Variants in PTPRD observed in about 807,000 individuals in gnomAD.
The protein encoded by PTPRD is receptor-type tyrosine-protein phosphatase delta.
Under a neutral mutation model 214.5 loss-of-function variants are expected in PTPRD, and 34 were observed. The observed-to-expected ratio is 0.16, with a 90% confidence interval of 0.12 to 0.21. The LOEUF (loss-of-function observed/expected upper bound fraction) is 0.21, where lower values mean the gene tolerates loss of function less well. PTPRD is among the 10% of genes least tolerant of loss of function. The pLI, the probability that PTPRD is intolerant of heterozygous loss-of-function variation, is 1.00. For missense variants in PTPRD, 2,545 were observed against 2,398.7 expected, an observed-to-expected ratio of 1.06 and a Z score of -1.27; for synonymous variants, 1,128 against 845.7, an observed-to-expected ratio of 1.33 and a Z score of -5.79.
Position 8,315,947 on chromosome 9 carries a change from TA to T in PTPRD, c.*1926del, listed in dbSNP as rs1821453878. The T allele has an allele frequency of 4.4e-6, 1 of 226,026 alleles. No homozygotes were observed. The highest frequency in any genetic ancestry group is 8.8e-6 in the Non-Finnish European group (1 of 113,588). The allele number at this position is 226,026 out of a possible 1,614,324, so 14.0% of individuals were successfully genotyped here. On this transcript the variant is annotated 3_prime_UTR_variant, in exon 46 of 46. Coordinates refer to ENST00000381196, the MANE Select transcript of PTPRD (RefSeq NM_002839.4). ...GAATTGGGGGTAAGATACATATATA[TA>T]TATAGTTTATTTCCCCTTTTAGAAA...
chr9:8,790,647 ATATCTAAGCATACCT>A (rs1420929413), intron 11 of PTPRD, among the ~76,000 whole-genome samples: 1 of 152,208 alleles, frequency 6.6e-6, no homozygotes, highest in Non-Finnish European at 1.5e-5. Context: ...GCATGTATGA[ATATCTAAGCATACCT>A]TAGTCACAAG....
intron 14 of PTPRD, among the ~76,000 whole-genome samples, chr9:8,598,692 A>G (rs1278809562): frequency 6.6e-6 from 1 of 152,180 alleles, no homozygotes; most frequent in Non-Finnish European, 1.5e-5. Flanking sequence ...TCATAGCACT[A>G]AAAAGTATCC....
intron 10 of PTPRD, among the ~76,000 whole-genome samples, chr9:9,045,997 G>C (rs565941649): frequency 6.6e-6 from 1 of 152,102 alleles, no homozygotes; most frequent in Non-Finnish European, 1.5e-5. Flanking sequence ...ATCCAGTTTT[G>C]TTTGTTATGT....
chr9:9,308,271 T>C (rs1409814834), intron 9 of PTPRD, among the ~76,000 whole-genome samples: 1 of 152,212 alleles, frequency 6.6e-6, no homozygotes, highest in East Asian at 1.9e-4. Context: ...AGATCATTCA[T>C]GATTTCATGA....
chr9:9,451,107 A>G (rs1486434728), intron 8 of PTPRD, among the ~76,000 whole-genome samples: 1 of 151,702 alleles, frequency 6.6e-6, no homozygotes, highest in African/African-American at 2.4e-5. Flanking sequence ...GTAAATGCCA[A>G]AGTCAGCATT....
At chr9:10,428,311 GA>G (rs955764298) in intron 2 of PTPRD, among the ~76,000 whole-genome samples, 23 of 151,702 alleles carry the variant, frequency 1.5e-4, no homozygotes, top group African/African-American at 4.6e-4. Flanking sequence ...TGTCTTGGGG[GA>G]AAAAAAATCA....
intron 12 of PTPRD, among the ~76,000 whole-genome samples, chr9:8,639,777 G>T (rs1277163874): frequency 2.0e-5 from 3 of 152,146 alleles, no homozygotes; most frequent in Admixed American, 6.5e-5. Flanking sequence ...TAACTGGTGG[G>T]TGAGGACAAG....
At chr9:8,549,558 T>C (rs1231270268) in intron 14 of PTPRD, among the ~76,000 whole-genome samples, 1 of 152,160 alleles carries the variant, frequency 6.6e-6, no homozygotes, top group East Asian at 1.9e-4. Context: ...CTAAAAGGGA[T>C]AAGAACAATT....
Position 9,217,316 on chromosome 9 carries a change from G to A in PTPRD, c.-202-33953C>T, listed in dbSNP as rs1314530645. 2.6e-5 allele frequency among the ~76,000 whole-genome samples: 4 copies of A among 152,246 alleles called. No individual in the cohort carries two copies. The East Asian group carries it at 7.7e-4, about 29-fold the overall frequency. On this transcript the variant is annotated intron_variant, in intron 9 of 45. Coordinates refer to ENST00000381196, the MANE Select transcript of PTPRD (RefSeq NM_002839.4). ...TATTTGTAGGGTACTTAAGAAGCCT[G>A]CGTGGCACCTCATAAGTGTTTTATA... is the stretch of plus-strand genomic sequence containing the variant.
At chr9:8,322,631 C>T (rs993042960) in intron 44 of PTPRD, among the ~76,000 whole-genome samples, 8 of 152,108 alleles carry the variant, frequency 5.3e-5, no homozygotes, top group African/African-American at 1.9e-4. Context: ...AGGAAGCCAA[C>T]CCCATAACAT....
At chr9:9,883,086 A>G (rs1342548915) in intron 5 of PTPRD, among the ~76,000 whole-genome samples, 2 of 152,148 alleles carry the variant, frequency 1.3e-5, no homozygotes, top group African/African-American at 2.4e-5. Context: ...GAGCCATATA[A>G]GCCTCTTTTA....
chr9:9,646,324 T>G (rs930631127), intron 7 of PTPRD, among the ~76,000 whole-genome samples: 17 of 148,294 alleles, frequency 1.1e-4, no homozygotes, highest in Non-Finnish European at 7.4e-5. Flanking sequence ...TGTGGGTGTG[T>G]GTGTGTGTGT....
At chr9:10,006,648 G>A (rs1183854985) in intron 4 of PTPRD, among the ~76,000 whole-genome samples, 1 of 151,850 alleles carries the variant, frequency 6.6e-6, no homozygotes, top group Non-Finnish European at 1.5e-5. Flanking sequence ...GTATTATTTA[G>A]TTCCCTTTAC....
intron 11 of PTPRD, among the ~76,000 whole-genome samples, chr9:8,799,396 T>C (rs754563520): frequency 1.3e-5 from 2 of 152,236 alleles, no homozygotes; most frequent in African/African-American, 2.4e-5. Flanking sequence ...CTGAAGTTCT[T>C]TGAAGTTTCC....
At chr9:10,268,972 TA>T (rs201909702) in intron 3 of PTPRD, among the ~76,000 whole-genome samples, 1,884 of 152,310 alleles carry the variant, frequency 0.012, 44 homozygotes, top group African/African-American at 0.043. Flanking sequence ...CGAATGTCAG[TA>T]GCGCCCTCCA....
chr9:9,795,300 A>G (rs940644892), intron 5 of PTPRD, among the ~76,000 whole-genome samples: 7 of 152,174 alleles, frequency 4.6e-5, no homozygotes, highest in Non-Finnish European at 7.4e-5. Flanking sequence ...AGTGGGACCT[A>G]ACTATCCCAT....
intron 5 of PTPRD, among the ~76,000 whole-genome samples, chr9:9,866,828 A>G (rs1413083020): frequency 6.6e-6 from 1 of 152,154 alleles, no homozygotes; most frequent in African/African-American, 2.4e-5. Flanking sequence ...CCTAAACACA[A>G]CTTCAGTAAT....
chr9:8,570,816 A>C (rs1006994139), intron 14 of PTPRD, among the ~76,000 whole-genome samples: 2 of 152,070 alleles, frequency 1.3e-5, no homozygotes, highest in Admixed American at 6.6e-5. Context: ...ACAAAGCACC[A>C]TGGCATAAAA....
chr9:9,891,008 C>A (rs1026371249), intron 5 of PTPRD, among the ~76,000 whole-genome samples: 1 of 152,048 alleles, frequency 6.6e-6, no homozygotes, highest in African/African-American at 2.4e-5. Flanking sequence ...AATGGAAATG[C>A]AAGTTGATTT....
Sources: allele counts gnomAD v4.1 joint callset (sites outside exome capture counted in the v4.1 genomes callset), GRCh38; gene constraint gnomAD v4.1.1; transcripts MANE v1.5; gene names NCBI Gene and HGNC (gene_info 2026-07-23, HGNC 2026-07-21).